ZNF605: variants seen among roughly 807,000 people sequenced by gnomAD.
ZNF605 encodes the protein zinc finger protein 605.
ZNF605 carries 9 observed loss-of-function variants against 7.9 expected under a neutral mutation model. The observed-to-expected ratio is 1.14, with a 90% confidence interval of 0.68 to 1.98. The LOEUF is 1.98. ZNF605 is among the 30% of genes most tolerant of loss of function. The pLI is 0.00. For synonymous variants in ZNF605, 255 were observed against 260.1 expected (o/e 0.98, Z 0.19); for missense variants, 673 against 762.4 (o/e 0.88, Z 1.38).
At chr12:132,947,317 A>AT (rs145605467) in intron 2 of ZNF605, among the ~76,000 whole-genome samples, 22,890 of 147,844 alleles carry the variant, frequency 0.15, 2,200 homozygotes, top group South Asian at 0.26. Flanking sequence ...GCCCGGCCAC[A>AT]TTTTTTTCTT....
In ZNF605 at chr12:132,939,058, G is replaced by A. The variant is rs562808044; in HGVS notation, c.16-5903C>T. ...CCACCCACTCCATGGGCTCCCATGC[G>A]GCCCCAGCCTCCCTGACGAGCACCA... is the stretch of plus-strand genomic sequence containing the variant. On this transcript the variant is annotated intron_variant, in intron 3 of 4. Transcript: ENST00000360187. Among the ~76,000 whole-genome samples, 645 of 150,016 alleles carry A rather than the reference G, an allele frequency of 4.3e-3. 6 individuals carry two copies. Among genetic ancestry groups the A allele is most frequent in the Non-Finnish European group, 7.3e-3 (488 of 66,668 alleles).
intron 3 of ZNF605, among the ~76,000 whole-genome samples, chr12:132,943,343 A>G (rs1489452779): frequency 8.0e-5 from 12 of 149,680 alleles, no homozygotes; most frequent in Non-Finnish European, 1.2e-4. Flanking sequence ...TAGGCGACAG[A>G]GCGAGACTCC....
At position 132,928,731 on chromosome 12, in the gene ZNF605, G is replaced by A. The variant is rs557061990; in HGVS notation, c.137-1569C>T. On this transcript the variant is annotated intron_variant, in intron 4 of 4. Coordinates refer to ENST00000360187, the MANE Select transcript of ZNF605 (RefSeq NM_183238.4). Reference sequence around the variant, plus strand: ...ATGGTCTCAAATATAAAACGAGGCTGGGCCTGGTGGCAGCTCACAACAACA... The same window carrying A: ...ATGGTCTCAAATATAAAACGAGGCTAGGCCTGGTGGCAGCTCACAACAACA... Among the ~76,000 whole-genome samples the A allele has an allele frequency of 3.3e-5, 5 of 152,302 alleles. No individual in the cohort carries two copies. The South Asian group carries it at 8.3e-4, about 25-fold the overall frequency.
rs1464082967 is a variant in ZNF605, at chr12:132,925,524, C to T, written c.1775G>A (p.Gly592Asp). 6.2e-7 allele frequency: 1 copy of T among 1,614,020 alleles called. No individual in the cohort carries two copies. The highest frequency in any genetic ancestry group is 1.3e-5 in the African/African-American group (1 of 74,930). ...IHTGERPYKC[G>D]ECGKSFTRKS... ...TCTTGTGAAAGATTTCCCACATTCA[C>T]CACATTTATATGGTCTCTCTCCTGT... Residue 592 changes from glycine (G) to aspartate (D), a missense_variant, in exon 5 of 5, where the codon GGT becomes GAT. Gly to Asp is a moderately conservative substitution (Grantham distance 94, BLOSUM62 -1). Transcript: ENST00000360187.
In ZNF605 at chr12:132,923,931, T is replaced by C. The variant is rs899852266; in HGVS notation, c.*1442A>G. The stretch of plus-strand genomic sequence containing the variant: ...TTTTATTCTTACTCTTCAAGTTCAT[T>C]GATTTTTTCTTCTTTTTCTGTATCT... On this transcript the variant is annotated 3_prime_UTR_variant, in exon 5 of 5. Transcript: ENST00000360187. The C allele has an allele frequency of 6.6e-6, 1 of 152,196 alleles. No homozygotes were observed. The highest frequency in any genetic ancestry group is 1.5e-5 in the Non-Finnish European group (1 of 68,044). The allele number at this position is 152,196 out of a possible 1,614,324, so 9.4% of individuals were successfully genotyped here.
chr12:132,931,260 A>C (rs1160781923), intron 4 of ZNF605, among the ~76,000 whole-genome samples: 20 of 152,342 alleles, frequency 1.3e-4, no homozygotes, highest in African/African-American at 4.8e-4. Context: ...CTGATAAACA[A>C]GACCTTTCCT....
Position 132,941,601 on chromosome 12 carries a change from T to C in ZNF605, c.15+4020A>G, listed in dbSNP as rs1426790446. ...TATCGCTCACGAGCAACAGGGTAAC[T>C]GACTGTTGTAACGGACAGCTTCGGT... On this transcript the variant is annotated intron_variant, in intron 3 of 4. Transcript: ENST00000360187. This position sits in a 1 kb window ranked among gnomAD's most constrained non-coding sequence, Gnocchi z 5.1. Among the ~76,000 whole-genome samples the C allele has an allele frequency of 6.6e-6, 1 of 152,226 alleles. No individual in the cohort carries two copies. Among genetic ancestry groups the C allele is most frequent in the African/African-American group, 2.4e-5 (1 of 41,466 alleles).
chr12:132,950,154 C>T (rs1047091422), intron 1 of ZNF605, among the ~76,000 whole-genome samples: 2 of 152,054 alleles, frequency 1.3e-5, no homozygotes, highest in African/African-American at 4.8e-5. Context: ...CAAGGTCCCC[C>T]TGCCCTCCCG....
In ZNF605 at chr12:132,926,758, T is replaced by A; in HGVS notation, c.541A>T (p.Lys181Ter). Residue 181 changes from lysine to a stop codon, truncating the protein, a stop_gained, in exon 5 of 5, where the codon AAG becomes TAG. Transcript: ENST00000360187. LOFTEE classifies it low-confidence loss of function (END_TRUNC). ...CMECGRFFNKKSQLVIHQRTH... is the reference protein window; with the variant it reads ...CMECGRFFNK ...CTCTGGTGTATAACAAGTTGTGACT[T>A]CTTGTTAAAAAATCTGCCACATTCC... The A allele has an allele frequency of 6.2e-7, 1 of 1,613,866 alleles. No individual in the cohort carries two copies.
intron 1 of ZNF605, among the ~76,000 whole-genome samples, chr12:132,953,459 A>C (rs376237071): frequency 0.01 from 1,539 of 152,198 alleles, 15 homozygotes; most frequent in African/African-American, 0.032. Context: ...ATGGAGTCTC[A>C]CTCTGTCATC....
At chr12:132,932,922 A>G in intron 4 of ZNF605, 113 bp downstream of exon 4, 1 of 1,401,676 alleles carries the variant, frequency 7.1e-7, no homozygotes, top group Middle Eastern at 1.8e-4. Flanking sequence ...AAATCTTTCA[A>G]TTCAGTATAA....
At position 132,923,442 on chromosome 12, in the gene ZNF605, C is replaced by T. The variant is rs543463552; in HGVS notation, c.*1931G>A. 2 of 152,162 alleles carry T rather than the reference C, an allele frequency of 1.3e-5. No individual in the cohort carries two copies. Among genetic ancestry groups the T allele is most frequent in the South Asian group, 2.1e-4 (1 of 4,826 alleles). The allele number at this position is 152,162 out of a possible 1,614,324, so 9.4% of individuals were successfully genotyped here. A position where few individuals can be genotyped will look rare whatever the true frequency, so the allele number is the denominator to read the frequency against. Reference sequence around the variant, plus strand: ...TTTATTTTGCCTTCATTTTTGAAAACGTTTTTGACAGTAACAGAATTCTAG... The same window carrying T: ...TTTATTTTGCCTTCATTTTTGAAAATGTTTTTGACAGTAACAGAATTCTAG... On this transcript the variant is annotated 3_prime_UTR_variant, in exon 5 of 5. Transcript: ENST00000360187.
chr12:132,929,930 C>T (rs1331717199), intron 4 of ZNF605, among the ~76,000 whole-genome samples: 5 of 152,094 alleles, frequency 3.3e-5, no homozygotes, highest in African/African-American at 9.7e-5. Context: ...GCCAACAGAG[C>T]GAGACTCCGT....
chr12:132,921,643 C>T lies in ZNF605; in HGVS notation c.*3730G>A, dbSNP rs923766256. ...ACAAGTTTATTAACACAGACTACAA[C>T]GTCAATGAAGCCTCCTGGCATTGTC... On this transcript the variant is annotated 3_prime_UTR_variant, in exon 5 of 5. Coordinates refer to ENST00000360187, the MANE Select transcript of ZNF605 (RefSeq NM_183238.4). 1.3e-5 allele frequency: 2 copies of T among 152,194 alleles called. No homozygotes were observed. The highest frequency in any genetic ancestry group is 2.4e-5 in the African/African-American group (1 of 41,450). The allele number at this position is 152,194 out of a possible 1,614,324, so 9.4% of individuals were successfully genotyped here. A position where few individuals can be genotyped will look rare whatever the true frequency, so the allele number is the denominator to read the frequency against.
Position 132,925,913 on chromosome 12 carries a change from T to G in ZNF605, c.1386A>C (p.Ser462=). The change falls in exon 5 of 5, where the codon TCA becomes TCC. Residue 462 remains serine (S), a synonymous_variant. Transcript: ENST00000360187. ...SECGKAFTQK[S]SLISHQRTHT... ...GTGTTCTCTGATGTGATATCAGGCTTGACTTCTGGGTGAAGGCCTTCCCAC... is the reference window on the plus strand; with the variant it reads ...GTGTTCTCTGATGTGATATCAGGCTGGACTTCTGGGTGAAGGCCTTCCCAC... The G allele has an allele frequency of 2.5e-6, 4 of 1,614,180 alleles. No homozygotes were observed. Among genetic ancestry groups the G allele is most frequent in the Non-Finnish European group, 3.4e-6 (4 of 1,180,020 alleles).
At chr12:132,944,461 G>A (rs1313303978) in intron 3 of ZNF605, among the ~76,000 whole-genome samples, 1 of 152,204 alleles carries the variant, frequency 6.6e-6, no homozygotes, top group African/African-American at 2.4e-5. Context: ...GCAGATCCCT[G>A]CATGTCAAGC....
intron 2 of ZNF605, among the ~76,000 whole-genome samples, chr12:132,946,570 T>C (rs1296201180): frequency 1.3e-5 from 2 of 152,310 alleles, no homozygotes; most frequent in African/African-American, 4.8e-5. Context: ...CAGCTGCCGG[T>C]TTCCAAGGGG....
At position 132,925,174 on chromosome 12, in the gene ZNF605, G is replaced by A; in HGVS notation, c.*199C>T. 2 of 503,702 alleles carry A rather than the reference G, an allele frequency of 4.0e-6. No individual in the cohort carries two copies. The highest frequency in any genetic ancestry group is 3.5e-5 in the South Asian group (1 of 28,390). 31.2% of individuals were successfully genotyped at this position (503,702 alleles called of 1,614,324 possible). On this transcript the variant is annotated 3_prime_UTR_variant, in exon 5 of 5. Coordinates refer to ENST00000360187, the MANE Select transcript of ZNF605 (RefSeq NM_183238.4). ...CAATATGTAACGAGTAGTGTCTTCTGGGAGATGACTTTTTTTACACTGTTT... is the reference window on the plus strand; with the variant it reads ...CAATATGTAACGAGTAGTGTCTTCTAGGAGATGACTTTTTTTACACTGTTT...
At position 132,918,893 on chromosome 12, in the gene ZNF605, C is replaced by G. The variant is rs984184000; in HGVS notation, c.*6480G>C. 2.0e-5 allele frequency: 3 copies of G among 152,232 alleles called. No homozygotes were observed. The highest frequency in any genetic ancestry group is 2.9e-5 in the Non-Finnish European group (2 of 68,082). The allele number at this position is 152,232 out of a possible 1,614,324, so 9.4% of individuals were successfully genotyped here. On this transcript the variant is annotated 3_prime_UTR_variant, in exon 5 of 5. Transcript: ENST00000360187. Reference sequence around the variant, plus strand: ...GAGCCATCGCACCTGGCCAGCCTTACCCTTGTAATGAAGCAGTGAAGTACA... The same window carrying G: ...GAGCCATCGCACCTGGCCAGCCTTAGCCTTGTAATGAAGCAGTGAAGTACA...
Sources: allele counts gnomAD v4.1 joint callset (sites outside exome capture counted in the v4.1 genomes callset), GRCh38; gene constraint gnomAD v4.1.1; non-coding constraint Gnocchi (gnomAD v3.1); transcripts MANE v1.5; gene names NCBI Gene and HGNC (gene_info 2026-07-23, HGNC 2026-07-21).